KHDRBS3: variants seen among roughly 807,000 people sequenced by gnomAD.
The protein encoded by KHDRBS3 is KH RNA binding domain containing, signal transduction associated 3.
In KHDRBS3, 23 loss-of-function variants were observed where a neutral mutation model predicts 45.6. The ratio of observed to expected loss-of-function variants is 0.50; its 90% CI spans 0.36 to 0.72. The LOEUF (loss-of-function observed/expected upper bound fraction) is 0.72, where lower values mean the gene tolerates loss of function less well. KHDRBS3 is among the 30% of genes least tolerant of loss of function. The pLI, the probability that KHDRBS3 is intolerant of heterozygous loss-of-function variation, is 0.00. For missense variants in KHDRBS3, 352 were observed against 424.8 expected (o/e 0.83, Z 1.51); for synonymous variants, 162 against 156.5 (o/e 1.04, Z -0.26).
intron 1 of KHDRBS3, among the ~76,000 whole-genome samples, chr8:135,491,216 G>A (rs557580500): frequency 2.0e-5 from 3 of 152,230 alleles, no homozygotes; most frequent in African/African-American, 7.2e-5. Context: ...ATGCCTGTCT[G>A]TATCTCTTTC....
chr8:135,625,733 C>T (rs1184065900), intron 7 of KHDRBS3: 3 of 759,052 alleles, frequency 4.0e-6, no homozygotes, highest in East Asian at 2.4e-5. Context: ...CACCCATCCT[C>T]TTAAAACCTA....
rs868311730 is a variant in KHDRBS3 at position 135,561,427 on chromosome 8, G to A, written c.611+3840G>A. ...AGGTAGATTCTTTGCCGAAAGTCATGCAGCTAGTGGTTGGTAGAGCCGGGT... is the reference window on the plus strand; with the variant it reads ...AGGTAGATTCTTTGCCGAAAGTCATACAGCTAGTGGTTGGTAGAGCCGGGT... On this transcript the variant is annotated intron_variant, in intron 5 of 8. Transcript: ENST00000355849. Among the ~76,000 whole-genome samples, 3 of 152,136 alleles carry A rather than the reference G, an allele frequency of 2.0e-5. No homozygotes were observed. In the South Asian group the frequency reaches 6.2e-4, roughly 31 times the overall value.
chr8:135,574,616 G>A (rs942352351), intron 5 of KHDRBS3, among the ~76,000 whole-genome samples: 5 of 152,112 alleles, frequency 3.3e-5, no homozygotes, highest in African/African-American at 1.2e-4. Context: ...TGGCAATCAT[G>A]GATATTGGAT....
At chr8:135,635,493 C>T (rs1251764862) in intron 7 of KHDRBS3, among the ~76,000 whole-genome samples, 2 of 152,194 alleles carry the variant, frequency 1.3e-5, no homozygotes, top group Admixed American at 1.3e-4. Context: ...AAGCGATTCT[C>T]CTGCCTCAGC....
rs927063776 is a variant in KHDRBS3, at chr8:135,636,397, G to A, written c.891-8662G>A. On this transcript the variant is annotated intron_variant, in intron 7 of 8. Transcript: ENST00000355849. ...AGAAAAAGAATTCTCATGCAGCTTC[G>A]TGCCACTGCCTTGACTTTTGGTCAA... is the stretch of plus-strand genomic sequence containing the variant. 4.6e-5 allele frequency among the ~76,000 whole-genome samples: 7 copies of A among 152,298 alleles called. No homozygotes were observed. In the South Asian group the frequency reaches 1.2e-3, roughly 27 times the overall value.
intron 7 of KHDRBS3, among the ~76,000 whole-genome samples, chr8:135,608,749 A>T (rs1353537700): frequency 2.0e-5 from 3 of 152,218 alleles, no homozygotes; most frequent in Non-Finnish European, 4.4e-5. Context: ...TCATTGTGTG[A>T]ACATCATAGA....
intron 5 of KHDRBS3, among the ~76,000 whole-genome samples, chr8:135,564,910 G>A (rs531522668): frequency 5.9e-5 from 9 of 152,120 alleles, no homozygotes; most frequent in Non-Finnish European, 7.4e-5. Flanking sequence ...GACACAAGAC[G>A]CAAACACAGG....
intron 1 of KHDRBS3, among the ~76,000 whole-genome samples, chr8:135,473,536 TTTA>T (rs1563702987): frequency 6.6e-6 from 1 of 152,130 alleles, no homozygotes; most frequent in Non-Finnish European, 1.5e-5. Context: ...ATATACACTT[TTTA>T]TTATTAACAA....
intron 7 of KHDRBS3, among the ~76,000 whole-genome samples, chr8:135,638,569 A>G (rs1830915903): frequency 6.6e-6 from 1 of 152,258 alleles, no homozygotes; most frequent in South Asian, 2.1e-4. Context: ...GAAAATGATT[A>G]TAAAATAAGT....
At chr8:135,591,839 T>C (rs1484484776) in intron 6 of KHDRBS3, among the ~76,000 whole-genome samples, 1 of 152,232 alleles carries the variant, frequency 6.6e-6, no homozygotes, top group East Asian at 1.9e-4. Flanking sequence ...ACGGGAGTTG[T>C]ACTGACGGCA....
chr8:135,474,525 G>A (rs1474303631), intron 1 of KHDRBS3, among the ~76,000 whole-genome samples: 1 of 152,188 alleles, frequency 6.6e-6, no homozygotes, highest in Non-Finnish European at 1.5e-5. Context: ...AAATGTTAAT[G>A]AGCCAGTTTA....
At chr8:135,485,228 G>A (rs1369556633) in intron 1 of KHDRBS3, among the ~76,000 whole-genome samples, 1 of 152,130 alleles carries the variant, frequency 6.6e-6, no homozygotes, top group Admixed American at 6.5e-5. Flanking sequence ...ACCTACAGCA[G>A]TGACTGACAT....
chr8:135,606,411 G>A (rs4128216), intron 6 of KHDRBS3, among the ~76,000 whole-genome samples: 30,871 of 152,052 alleles, frequency 0.2, 3,687 homozygotes, highest in Middle Eastern at 0.28. Context: ...TTGCCTTTAA[G>A]TATTTTCTTC....
At chr8:135,495,870 G>A (rs1823413788) in intron 1 of KHDRBS3, among the ~76,000 whole-genome samples, 2 of 152,062 alleles carry the variant, frequency 1.3e-5, no homozygotes, top group Admixed American at 1.3e-4. Flanking sequence ...TAGAGAATTG[G>A]GGGAATGAAT....
chr8:135,620,797 T>C (rs147582389), intron 7 of KHDRBS3, among the ~76,000 whole-genome samples: 6 of 152,306 alleles, frequency 3.9e-5, no homozygotes, highest in African/African-American at 1.4e-4. Context: ...CTATAAGTAC[T>C]AAGGCTTCTG....
chr8:135,470,428 G>A (rs985668625), intron 1 of KHDRBS3, among the ~76,000 whole-genome samples: 1 of 152,036 alleles, frequency 6.6e-6, no homozygotes, highest in Non-Finnish European at 1.5e-5. Context: ...AGAACCAACA[G>A]CGATAATCCC....
At chr8:135,632,823 A>G (rs1011962609) in intron 7 of KHDRBS3, among the ~76,000 whole-genome samples, 7 of 151,936 alleles carry the variant, frequency 4.6e-5, no homozygotes, top group African/African-American at 9.7e-5. Context: ...CTCTGCTCCA[A>G]TTGCACTGCC....
At chr8:135,490,549 T>C (rs899984544) in intron 1 of KHDRBS3, among the ~76,000 whole-genome samples, 5 of 152,202 alleles carry the variant, frequency 3.3e-5, no homozygotes, top group African/African-American at 1.2e-4. Flanking sequence ...TGTGGACAGT[T>C]GGTTATCAAT....
rs11381875 is a variant in KHDRBS3 at position 135,531,423 on chromosome 8, C to CAA, written c.207+10075_207+10076dup. Among the ~76,000 whole-genome samples, 421 of 151,326 alleles carry CAA rather than the reference C, an allele frequency of 2.8e-3. 2 individuals are homozygous for CAA. The highest frequency in any genetic ancestry group is 8.1e-3 in the African/African-American group (335 of 41,334). On this transcript the variant is annotated intron_variant, in intron 2 of 8. Transcript: ENST00000355849. ...TTTAATATAGTAATCTCTGCAACAA[C>CAA]AAAAAAAATCAATAAAAACCTTATT...
Sources: allele counts gnomAD v4.1 joint callset (sites outside exome capture counted in the v4.1 genomes callset), GRCh38; gene constraint gnomAD v4.1.1; transcripts MANE v1.5; gene names NCBI Gene and HGNC (gene_info 2026-07-23, HGNC 2026-07-21).